Variants in MAGI3 observed in about 807,000 individuals in gnomAD.
MAGI3 encodes membrane associated guanylate kinase, WW and PDZ domain containing 3, also known as membrane-associated guanylate kinase, WW and PDZ domain-containing protein 3.
A neutral mutation model predicts 121.8 loss-of-function variants in MAGI3; 43 were observed. The ratio of observed to expected loss-of-function variants is 0.35; its 90% confidence interval spans 0.28 to 0.46. MAGI3 has a LOEUF of 0.46. Among genes scored for constraint, MAGI3 ranks in the 20% least tolerant of loss-of-function variants. MAGI3 has a pLI of 1.00. For missense variants in MAGI3, 1,547 were observed against 1,797.3 expected (o/e 0.86, Z 2.52); for synonymous variants, 553 against 639.3 (o/e 0.86, Z 2.04).
intron 1 of MAGI3, among the ~76,000 whole-genome samples, chr1:113,466,627 CTT>C (rs375044798): frequency 2.6e-5 from 4 of 151,952 alleles, no homozygotes; most frequent in South Asian, 2.1e-4. Context: ...TGATGGGAGA[CTT>C]TTGATTACAG....
At chr1:113,454,417 G>A (rs764495003) in intron 1 of MAGI3, among the ~76,000 whole-genome samples, 6 of 151,900 alleles carry the variant, frequency 3.9e-5, no homozygotes, top group East Asian at 3.9e-4. Context: ...GTGTGACCTC[G>A]GGCAAATTAC....
In MAGI3 at chr1:113,619,769, A is replaced by G; in HGVS notation, c.1110A>G (p.Pro370=). The G allele has an allele frequency of 1.9e-6, 3 of 1,613,484 alleles. No homozygotes were observed. Among genetic ancestry groups the G allele is most frequent in the Non-Finnish European group, 2.5e-6 (3 of 1,179,576 alleles). ...ACCAGAAAACCCAGTTTGAAAATCC[A>G]GTGGAGGAAGCCAAAAGGAAAAAGC... is the stretch of plus-strand genomic sequence containing the variant. ...HLNQKTQFEN[P]VEEAKRKKQL... The change falls in exon 8 of 21, where the codon CCA becomes CCG. Residue 370 remains proline (P), a synonymous_variant. Transcript: ENST00000307546.
chr1:113,656,471 TG>T (rs1653477711), intron 15 of MAGI3, among the ~76,000 whole-genome samples: 1 of 151,222 alleles, frequency 6.6e-6, no homozygotes, highest in Non-Finnish European at 1.5e-5. Flanking sequence ...TGGAGTGGAG[TG>T]GTGTGATCTC....
At chr1:113,471,953 A>C (rs1655555493) in intron 1 of MAGI3, among the ~76,000 whole-genome samples, 2 of 152,190 alleles carry the variant, frequency 1.3e-5, no homozygotes, top group African/African-American at 4.8e-5. Flanking sequence ...GTTCTGGTCC[A>C]TATGTTGGGT....
chr1:113,493,142 A>G (rs900672852), intron 1 of MAGI3, among the ~76,000 whole-genome samples: 1 of 152,206 alleles, frequency 6.6e-6, no homozygotes, highest in African/African-American at 2.4e-5. Context: ...TTAAAACCGT[A>G]CTACAGGGCT....
At chr1:113,572,987 A>G (rs189797342) in intron 2 of MAGI3, among the ~76,000 whole-genome samples, 1 of 151,488 alleles carries the variant, frequency 6.6e-6, no homozygotes, top group African/African-American at 2.4e-5. Flanking sequence ...GTGCAGTGGC[A>G]CAATCTCGGC....
chr1:113,451,739 A>G (rs1467112765), intron 1 of MAGI3, among the ~76,000 whole-genome samples: 1 of 152,172 alleles, frequency 6.6e-6, no homozygotes, highest in African/African-American at 2.4e-5. Flanking sequence ...TAACAATTTC[A>G]TCTGTGCAGT....
intron 9 of MAGI3, among the ~76,000 whole-genome samples, chr1:113,628,935 T>C (rs1224480554): frequency 6.6e-6 from 1 of 152,186 alleles, no homozygotes; most frequent in Non-Finnish European, 1.5e-5. Flanking sequence ...ATAACCTTCA[T>C]GTGCTTGAAT....
At chr1:113,544,133 T>G (rs547960325) in intron 1 of MAGI3, among the ~76,000 whole-genome samples, 15 of 152,310 alleles carry the variant, frequency 9.8e-5, no homozygotes, top group African/African-American at 3.6e-4. Flanking sequence ...GTAGACAGTT[T>G]GATTTATTAT....
At chr1:113,416,384 A>T (rs1450120812) in intron 1 of MAGI3, among the ~76,000 whole-genome samples, 2 of 112,866 alleles carry the variant, frequency 1.8e-5, no homozygotes, top group East Asian at 2.6e-4. Context: ...TATATTAATA[A>T]TATATATTAA....
chr1:113,403,525 A>G (rs916326364), intron 1 of MAGI3: 7 of 152,152 alleles, frequency 4.6e-5, no homozygotes, highest in Non-Finnish European at 7.4e-5. Flanking sequence ...TTGACAACTG[A>G]TTTGTGAAAT....
chr1:113,496,077 T>G (rs913406920), intron 1 of MAGI3, among the ~76,000 whole-genome samples: 2 of 152,214 alleles, frequency 1.3e-5, no homozygotes, highest in Non-Finnish European at 2.9e-5. Context: ...TTTGTTTATC[T>G]TTTATTTTTA....
In MAGI3 at chr1:113,599,437, GAA is replaced by G. The variant is rs889699554; in HGVS notation, c.1018+4878_1018+4879del. Reference sequence around the variant, plus strand: ...AAAAACTACTATCAGAGAATACTACGAACACCTCTACGCAAATAAACTAGAAA... The same window carrying G: ...AAAAACTACTATCAGAGAATACTACGCACCTCTACGCAAATAAACTAGAAA... On this transcript the variant is annotated intron_variant, in intron 6 of 20. Coordinates refer to ENST00000307546, the MANE Select transcript of MAGI3 (RefSeq NM_001142782.2). Among the ~76,000 whole-genome samples, 162 of 152,072 alleles carry G rather than the reference GAA, an allele frequency of 1.1e-3. 1 individual carries two copies. Among genetic ancestry groups the G allele is most frequent in the African/African-American group, 3.8e-3 (158 of 41,510 alleles).
rs974831291 is a variant in MAGI3 at position 113,395,068 on chromosome 1, C to G, written c.316+3719C>G. Among the ~76,000 whole-genome samples, 17 of 79,006 alleles carry G rather than the reference C, an allele frequency of 2.2e-4. No homozygotes were observed. The South Asian group carries it at 5.8e-3, about 27-fold the overall frequency. 51.8% of individuals were successfully genotyped at this position (79,006 alleles called of 152,430 possible). A position where few individuals can be genotyped will look rare whatever the true frequency, so the allele number is the denominator to read the frequency against. On this transcript the variant is annotated intron_variant, in intron 1 of 20. Coordinates refer to ENST00000307546, the MANE Select transcript of MAGI3 (RefSeq NM_001142782.2). ...AAAAATAATGCTGTGCCTTTCTTATCTCTTGAATCTTTTTGTTAGTTTTTT... is the reference window on the plus strand; with the variant it reads ...AAAAATAATGCTGTGCCTTTCTTATGTCTTGAATCTTTTTGTTAGTTTTTT...
chr1:113,395,914 TTGCTAAAACTGATTTTCA>T (rs1651087542), intron 1 of MAGI3, among the ~76,000 whole-genome samples: 1 of 152,136 alleles, frequency 6.6e-6, no homozygotes, highest in Non-Finnish European at 1.5e-5. Context: ...ATTCAGTTTA[TTGCTAAAACTGATTTTCA>T]TGTAACATAA....
intron 1 of MAGI3, among the ~76,000 whole-genome samples, chr1:113,542,396 AT>A (rs1387598981): frequency 6.6e-6 from 1 of 152,154 alleles, no homozygotes; most frequent in Non-Finnish European, 1.5e-5. Context: ...AAACTCATTA[AT>A]TGTTTATGTC....
intron 9 of MAGI3, among the ~76,000 whole-genome samples, chr1:113,627,318 G>A (rs1570961036): frequency 6.6e-6 from 1 of 151,664 alleles, no homozygotes; most frequent in Non-Finnish European, 1.5e-5. Context: ...TTAATTTTTT[G>A]GAATGTTTTA....
intron 1 of MAGI3, among the ~76,000 whole-genome samples, chr1:113,411,096 TTGG>T (rs1651951049): frequency 1.3e-5 from 2 of 152,184 alleles, no homozygotes; most frequent in South Asian, 4.1e-4. Flanking sequence ...TAAGTTTGAG[TTGG>T]TGAGTAAAAC....
intron 1 of MAGI3, among the ~76,000 whole-genome samples, chr1:113,451,167 G>T (rs980809241): frequency 6.6e-6 from 1 of 152,144 alleles, no homozygotes; most frequent in Non-Finnish European, 1.5e-5. Context: ...GGTCCATCAT[G>T]TGTATTAGAG....
Sources: gnomAD v4.1 joint callset for allele counts (sites outside exome capture counted in the v4.1 genomes callset) on GRCh38, gnomAD v4.1.1 for gene constraint, MANE v1.5 for transcripts, NCBI Gene and HGNC (gene_info 2026-07-23, HGNC 2026-07-21) for gene names.